Variants in TRPM3 observed in about 807,000 individuals in gnomAD.
The protein encoded by TRPM3 is long transient receptor potential channel 3.
A neutral mutation model predicts 181.2 loss-of-function variants in TRPM3; 77 were observed. The observed-to-expected ratio is 0.42, with a 90% CI of 0.35 to 0.51. The LOEUF is 0.51. Ranked by LOEUF, TRPM3 falls within the 20% of genes least tolerant of loss-of-function variation. The pLI, the probability that TRPM3 is intolerant of heterozygous loss-of-function variation, is 0.01. For missense variants in TRPM3, 1,759 were observed against 2,196.7 expected, an observed-to-expected ratio of 0.80 and a Z score of 3.98; for synonymous variants, 745 against 796.4, an observed-to-expected ratio of 0.94 and a Z score of 1.09.
intron 9 of TRPM3, among the ~76,000 whole-genome samples, chr9:70,661,052 T>C (rs1197333309): frequency 1.6e-4 from 24 of 152,012 alleles, no homozygotes; most frequent in Admixed American, 1.6e-3. Flanking sequence ...ACTAGTGAAC[T>C]AAATCCAACA....
rs1192058579 is a variant in TRPM3, at chr9:71,421,037, G to GAAAA, written c.183+25615_183+25616insTTTT. Among the ~76,000 whole-genome samples, 18 of 134,446 alleles carry GAAAA rather than the reference G, an allele frequency of 1.3e-4. 1 individual carries two copies. The highest frequency in any genetic ancestry group is 2.5e-4 in the African/African-American group (8 of 32,242). The allele number at this position is 134,446 out of a possible 152,430, so 88.2% of individuals were successfully genotyped here. A position where few individuals can be genotyped will look rare whatever the true frequency, so the allele number is the denominator to read the frequency against. ...AGAGAAAAAGAGAGAAAAAGAAAAA[G>GAAAA]AGAACGAACTCACGTCCTTTGCAGC... On this transcript the variant is annotated intron_variant, in intron 1 of 24. Transcript: ENST00000357533.
intron 1 of TRPM3, among the ~76,000 whole-genome samples, chr9:71,071,449 G>T (rs1203361502): frequency 6.6e-6 from 1 of 152,140 alleles, no homozygotes; most frequent in Non-Finnish European, 1.5e-5. Flanking sequence ...AATGCCTGGG[G>T]CCATAAATAG....
At chr9:70,904,324 T>C (rs142799025) in intron 1 of TRPM3, among the ~76,000 whole-genome samples, 2 of 152,282 alleles carry the variant, frequency 1.3e-5, no homozygotes, top group Non-Finnish European at 2.9e-5. Flanking sequence ...TAAATACTTG[T>C]CTGATAAGAA....
chr9:70,771,854 T>A (rs901430119), intron 7 of TRPM3, among the ~76,000 whole-genome samples: 1 of 152,162 alleles, frequency 6.6e-6, no homozygotes, highest in Admixed American at 6.5e-5. Context: ...TAAAATATTA[T>A]ATAATGTGTT....
rs1008357582 is a variant in TRPM3, at chr9:71,409,686, T to A, written c.183+36967A>T. 2.6e-5 allele frequency among the ~76,000 whole-genome samples: 4 copies of A among 152,106 alleles called. No individual in the cohort carries two copies. The East Asian group carries it at 7.7e-4, about 29-fold the overall frequency. The stretch of plus-strand genomic sequence containing the variant: ...AGACTTTAACAACCCACTGTCAACA[T>A]TAAACAGATCAACGAGACAGAAGGT... On this transcript the variant is annotated intron_variant, in intron 1 of 24. Coordinates refer to the TRPM3 transcript ENST00000357533.
chr9:71,158,146 A>G (rs2076097243), intron 1 of TRPM3, among the ~76,000 whole-genome samples: 1 of 152,170 alleles, frequency 6.6e-6, no homozygotes. Context: ...CAAGCACAAA[A>G]AGAAAAGATC....
At chr9:70,871,032 T>G (rs34842970) in intron 1 of TRPM3, among the ~76,000 whole-genome samples, 4,664 of 151,818 alleles carry the variant, frequency 0.031, 93 homozygotes, top group Middle Eastern at 0.054. Context: ...GCAAGGAGAA[T>G]TAAGTAAAAA....
At chr9:71,119,161 G>A (rs140159059) in intron 1 of TRPM3, among the ~76,000 whole-genome samples, 2,527 of 152,188 alleles carry the variant, frequency 0.017, 29 homozygotes, top group Non-Finnish European at 0.025. Flanking sequence ...AGTTTGAAAT[G>A]TGCTCAATAT....
chr9:70,682,590 G>T (rs2065752702), intron 8 of TRPM3, among the ~76,000 whole-genome samples: 1 of 152,130 alleles, frequency 6.6e-6, no homozygotes, highest in South Asian at 2.1e-4. Context: ...TGACATAATG[G>T]AGTATCATTT....
intron 1 of TRPM3, among the ~76,000 whole-genome samples, chr9:70,923,773 G>A (rs865808527): frequency 7.0e-6 from 1 of 142,384 alleles, no homozygotes; most frequent in East Asian, 2.1e-4. Context: ...AGTAATACTG[G>A]CAACACAAAT....
chr9:70,967,496 T>C (rs2097197705), intron 1 of TRPM3, among the ~76,000 whole-genome samples: 1 of 152,162 alleles, frequency 6.6e-6, no homozygotes, highest in Non-Finnish European at 1.5e-5. Context: ...TGTGTTTACT[T>C]TGTGAACTTA....
At chr9:70,844,189 C>G (rs937749418) in intron 4 of TRPM3, among the ~76,000 whole-genome samples, 3 of 152,124 alleles carry the variant, frequency 2.0e-5, no homozygotes, top group African/African-American at 7.2e-5. Flanking sequence ...ACACTGTGCG[C>G]TAAACTAACT....
chr9:71,199,159 A>T (rs946973889), intron 1 of TRPM3, among the ~76,000 whole-genome samples: 2 of 151,268 alleles, frequency 1.3e-5, no homozygotes, highest in African/African-American at 2.4e-5. Context: ...GGTTCTGTTT[A>T]TATGCTGGAT....
chr9:70,827,996 A>G lies in TRPM3; in HGVS notation c.824T>C (p.Met275Thr). The G allele has an allele frequency of 1.2e-6, 2 of 1,613,744 alleles. No homozygotes were observed. The highest frequency in any genetic ancestry group is 8.5e-7 in the Non-Finnish European group (1 of 1,179,738). ...GRDVVRPYQTMSNPMSKLTVL... is the reference protein window; with the variant it reads ...GRDVVRPYQTTSNPMSKLTVL... ...AGTGAGCTTGCTCATGGGATTGGAC[A>G]TGGTCTGGTATGGCCGGACAACCTG... is the stretch of plus-strand genomic sequence containing the variant. Residue 275 changes from methionine (M) to threonine (T), a missense_variant, in exon 6 of 26, where the codon ATG becomes ACG. Physicochemically the swap from Met to Thr is moderately conservative, Grantham distance 81. Transcript: ENST00000677713.
chr9:70,924,864 T>C (rs1200605863), intron 1 of TRPM3, among the ~76,000 whole-genome samples: 1 of 152,140 alleles, frequency 6.6e-6, no homozygotes, highest in Admixed American at 6.6e-5. Flanking sequence ...CTAAGAACTC[T>C]TATTTTCAAG....
chr9:70,974,549 AACAAAC>A (rs2097282862), intron 1 of TRPM3, among the ~76,000 whole-genome samples: 3 of 150,722 alleles, frequency 2.0e-5, no homozygotes, highest in East Asian at 2.0e-4. Flanking sequence ...AAAACAAACA[AACAAAC>A]AAACAAACAA....
intron 1 of TRPM3, among the ~76,000 whole-genome samples, chr9:71,179,916 G>A (rs993336691): frequency 2.0e-5 from 3 of 152,046 alleles, no homozygotes; most frequent in Non-Finnish European, 4.4e-5. Context: ...TGGCATTCAC[G>A]TGCCTGAGAT....
At chr9:71,154,248 T>C (rs2075873793) in intron 1 of TRPM3, among the ~76,000 whole-genome samples, 1 of 152,168 alleles carries the variant, frequency 6.6e-6, no homozygotes, top group Non-Finnish European at 1.5e-5. Flanking sequence ...GCACTTATTA[T>C]ATTTAAAGCA....
intron 1 of TRPM3, among the ~76,000 whole-genome samples, chr9:71,025,620 G>T (rs746429940): frequency 6.6e-6 from 1 of 152,188 alleles, no homozygotes; most frequent in Non-Finnish European, 1.5e-5. Context: ...AATATGTAGC[G>T]CGCAGAAACA....
Sources: gnomAD v4.1 joint callset for allele counts (sites outside exome capture counted in the v4.1 genomes callset) on GRCh38, gnomAD v4.1.1 for gene constraint, MANE v1.5 for transcripts, NCBI Gene and HGNC (gene_info 2026-07-23, HGNC 2026-07-21) for gene names.